Variants in ENTPD3 observed in about 807,000 individuals in gnomAD.
The protein encoded by ENTPD3 is ectonucleoside triphosphate diphosphohydrolase 3, also known as CD39 antigen-like 3.
Under a neutral mutation model 51.2 loss-of-function variants are expected in ENTPD3, and 60 were observed. The ratio of observed to expected loss-of-function variants is 1.17; its 90% CI spans 0.95 to 1.45. ENTPD3 has a LOEUF of 1.45. ENTPD3 is among the 40% of genes most tolerant of loss of function. The probability of loss-of-function intolerance (pLI) is 0.00; values close to 1 mark genes in which losing one functional copy is unlikely to be tolerated. For missense variants in ENTPD3, 593 were observed against 641.1 expected (o/e 0.93, Z 0.81); for synonymous variants, 221 against 238.4 (o/e 0.93, Z 0.67).
At chr3:40,408,142 T>C (rs572784526) in intron 4 of ENTPD3, among the ~76,000 whole-genome samples, 1 of 152,126 alleles carries the variant, frequency 6.6e-6, no homozygotes, top group Admixed American at 6.6e-5. Flanking sequence ...AGAATGAGAA[T>C]CTTAAAAAAC....
intron 2 of ENTPD3, among the ~76,000 whole-genome samples, 197 bp downstream of exon 2, chr3:40,388,294 C>A (rs755664247): frequency 1.3e-5 from 2 of 152,152 alleles, no homozygotes; most frequent in East Asian, 3.8e-4. Flanking sequence ...CCACACAAAA[C>A]AAGGACTAAC....
intron 5 of ENTPD3, among the ~76,000 whole-genome samples, chr3:40,412,225 T>C (rs1266127609): frequency 1.3e-5 from 2 of 152,234 alleles, no homozygotes; most frequent in African/African-American, 4.8e-5. Flanking sequence ...TCATATGAAA[T>C]CTGCTCATGG....
chr3:40,407,506 G>T (rs1225229924), intron 4 of ENTPD3, among the ~76,000 whole-genome samples: 1 of 152,120 alleles, frequency 6.6e-6, no homozygotes, highest in Non-Finnish European at 1.5e-5. Flanking sequence ...GGGTCAAATA[G>T]CTTGCTCATT....
At chr3:40,406,134 T>C (rs961722011) in intron 4 of ENTPD3, among the ~76,000 whole-genome samples, 2 of 152,138 alleles carry the variant, frequency 1.3e-5, no homozygotes, top group African/African-American at 4.8e-5. Context: ...GATCATGCTG[T>C]TTTGAACAGG....
At chr3:40,418,022 T>A (rs1425722476) in intron 7 of ENTPD3, among the ~76,000 whole-genome samples, 1 of 152,208 alleles carries the variant, frequency 6.6e-6, no homozygotes, top group Non-Finnish European at 1.5e-5. Flanking sequence ...AATGATTATC[T>A]ATGTATCCAG....
intron 5 of ENTPD3, among the ~76,000 whole-genome samples, 171 bp from the exon 6 acceptor site, chr3:40,414,510 A>G (rs549229485): frequency 6.6e-5 from 10 of 152,340 alleles, no homozygotes; most frequent in African/African-American, 2.4e-4. Context: ...CAGTTGCCCC[A>G]GAAGGCTTCA....
chr3:40,414,916 T>C, intron 6 of ENTPD3, 76 bp downstream of exon 6: 1 of 1,472,678 alleles, frequency 6.8e-7, no homozygotes, highest in Non-Finnish European at 9.4e-7. Flanking sequence ...TAAGTAGAGG[T>C]ACATGCCATC....
Position 40,420,517 on chromosome 3 carries a change from G to A in ENTPD3, c.832-2333G>A, listed in dbSNP as rs534687270. On this transcript the variant is annotated intron_variant, in intron 7 of 10. Coordinates refer to ENST00000301825, the MANE Select transcript of ENTPD3 (RefSeq NM_001248.4). ...GCCTCCCAAAGTGCTGGAATTACAC[G>A]TGTGAGCCACCACGCCCCGCATATT... Among the ~76,000 whole-genome samples, 4 of 152,108 alleles carry A rather than the reference G, an allele frequency of 2.6e-5. No individual in the cohort carries two copies. In the South Asian group the frequency reaches 8.3e-4, roughly 32 times the overall value.
At chr3:40,424,802 T>G (rs1227243821) in intron 10 of ENTPD3, 7 of 701,392 alleles carry the variant, frequency 1.0e-5, no homozygotes, top group Non-Finnish European at 1.8e-5. Flanking sequence ...ATGTCTGGAG[T>G]CAGCCTGTTC....
At chr3:40,424,296 T>C (rs1457222419) in intron 10 of ENTPD3, 3 of 368,022 alleles carry the variant, frequency 8.2e-6, no homozygotes, top group Non-Finnish European at 3.8e-6. Context: ...GTTGGTTGAA[T>C]TCATAAATAA....
At chr3:40,404,087 G>A (rs1955437402) in intron 4 of ENTPD3, among the ~76,000 whole-genome samples, 1 of 152,154 alleles carries the variant, frequency 6.6e-6, no homozygotes. Context: ...AAATAGGGCA[G>A]CAGGCTGCTC....
intron 10 of ENTPD3, among the ~76,000 whole-genome samples, chr3:40,426,791 T>C (rs1165254470): frequency 1.3e-5 from 2 of 152,146 alleles, no homozygotes; most frequent in African/African-American, 2.4e-5. Flanking sequence ...ACTATGAAGA[T>C]TGCAAAGGTG....
At chr3:40,425,893 G>A (rs1955971527) in intron 10 of ENTPD3, among the ~76,000 whole-genome samples, 1 of 74,088 alleles carries the variant, frequency 1.3e-5, no homozygotes, top group Non-Finnish European at 4.1e-5. Context: ...GCAAGACTCT[G>A]TCTCAAAAAA....
rs1955952482 is a variant in ENTPD3 at position 40,424,842 on chromosome 3, A to G, written c.1353+879A>G. On this transcript the variant is annotated intron_variant, in intron 10 of 10. Transcript: ENST00000301825. ...CCAGCTTCAGCAATAATTAGATTAA[A>G]CCAATCAATATCCTGCATTAGGCCT... 7.2e-6 allele frequency: 5 copies of G among 698,996 alleles called. No individual in the cohort carries two copies. In the South Asian group the frequency reaches 7.4e-5, roughly 10 times the overall value. The allele number at this position is 698,996 out of a possible 1,614,324, so 43.3% of individuals were successfully genotyped here. A position where few individuals can be genotyped will look rare whatever the true frequency, so the allele number is the denominator to read the frequency against.
At chr3:40,391,165 T>A (rs1450972347) in intron 2 of ENTPD3, 1 of 151,424 alleles carries the variant, frequency 6.6e-6, no homozygotes, top group African/African-American at 2.4e-5. Flanking sequence ...GGTTTCACCA[T>A]ATTGGCCAGG....
intron 10 of ENTPD3, among the ~76,000 whole-genome samples, chr3:40,425,183 C>A (rs143000438): frequency 6.6e-6 from 1 of 151,950 alleles, no homozygotes. Flanking sequence ...TTTGGGAGGC[C>A]GAGGCAGGCG....
intron 6 of ENTPD3, 21 bp from the exon 7 acceptor site, chr3:40,415,819 C>T (rs1955732369): frequency 6.2e-7 from 1 of 1,602,352 alleles, no homozygotes; most frequent in Non-Finnish European, 8.5e-7. Flanking sequence ...TTCTTTCTCA[C>T]TTCCTTTTCC....
At chr3:40,417,115 G>A (rs1304408783) in intron 7 of ENTPD3, among the ~76,000 whole-genome samples, 1 of 152,054 alleles carries the variant, frequency 6.6e-6, no homozygotes. Context: ...CCCAGAAATG[G>A]CTGAGGCCCC....
In ENTPD3 at chr3:40,422,941, G is replaced by A; in HGVS notation, c.923G>A (p.Cys308Tyr). ...ATGGGCCATGTATTTGATAGCCTGT[G>A]CACTGTGGACCAGAGGCCAGAAAGT... is the stretch of plus-strand genomic sequence containing the variant. ...FTMGHVFDSL[C>Y]TVDQRPESYN... The change falls in exon 8 of 11, where the codon TGC (cysteine) becomes TAC (tyrosine). Residue 308 changes from cysteine (C) to tyrosine (Y), a missense_variant. Physicochemically the swap from Cys to Tyr is radical, Grantham distance 194 (BLOSUM62 -2). Transcript: ENST00000301825. 1 of 1,614,052 alleles carries A rather than the reference G, an allele frequency of 6.2e-7. No homozygotes were observed. Among genetic ancestry groups the A allele is most frequent in the Non-Finnish European group, 8.5e-7 (1 of 1,179,982 alleles).
Sources: gnomAD v4.1 joint callset for allele counts (sites outside exome capture counted in the v4.1 genomes callset) on GRCh38, gnomAD v4.1.1 for gene constraint, MANE v1.5 for transcripts, NCBI Gene and HGNC (gene_info 2026-07-23, HGNC 2026-07-21) for gene names.